Variants in KCNV2 observed in about 807,000 individuals in gnomAD.
The protein encoded by KCNV2 is potassium voltage-gated channel modifier subfamily V member 2.
Under a neutral mutation model 37.0 loss-of-function variants are expected in KCNV2, and 65 were observed. That is an observed-to-expected ratio of 1.76 (90% confidence interval 1.44 to 2.16). The LOEUF (loss-of-function observed/expected upper bound fraction) is 2.16, where lower values mean the gene tolerates loss of function less well. KCNV2 is among the 30% of genes most tolerant of loss of function. The pLI is 0.00. For missense variants in KCNV2, 1,232 were observed against 766.7 expected (o/e 1.61, Z -7.17); for synonymous variants, 518 against 328.6 (o/e 1.58, Z -6.23).
chr9:2,721,593 C>T (rs371712647), intron 1 of KCNV2, among the ~76,000 whole-genome samples: 125 of 152,290 alleles, frequency 8.2e-4, no homozygotes, highest in African/African-American at 2.9e-3. Flanking sequence ...ATTCATTGAA[C>T]AGTAAGTTTT....
At chr9:2,724,523 G>C (rs546414984) in intron 1 of KCNV2, among the ~76,000 whole-genome samples, 1 of 152,212 alleles carries the variant, frequency 6.6e-6, no homozygotes, top group Admixed American at 6.5e-5. Flanking sequence ...TAATTGCAGG[G>C]AGTAGCTATT....
intron 1 of KCNV2, among the ~76,000 whole-genome samples, 194 bp downstream of exon 1, chr9:2,719,289 G>T (rs961516178): frequency 6.6e-6 from 1 of 152,152 alleles, no homozygotes; most frequent in African/African-American, 2.4e-5. Flanking sequence ...AGATCAGTAA[G>T]TAAGTGAATT....
In KCNV2 at chr9:2,717,754, T is replaced by C. The variant is rs377071035; in HGVS notation, c.15T>C (p.Ser5=). Residue 5 remains serine, a synonymous_variant, in exon 1 of 2, where the codon AGT becomes AGC. Coordinates refer to ENST00000382082, the MANE Select transcript of KCNV2 (RefSeq NM_133497.4). MLKQ[S]ERRRSWSYRP... ...TTTCCGCAGCCATGCTCAAACAGAG[T>C]GAGAGGAGACGGTCCTGGAGCTACA... The C allele has an allele frequency of 4.3e-5, 69 of 1,612,780 alleles. 1 individual carries two copies. Among genetic ancestry groups the C allele is most frequent in the Non-Finnish European group, 5.6e-5 (66 of 1,179,706 alleles).
chr9:2,726,504 T>C (rs1819970087), intron 1 of KCNV2, among the ~76,000 whole-genome samples: 1 of 152,120 alleles, frequency 6.6e-6, no homozygotes, highest in Admixed American at 6.5e-5. Flanking sequence ...AAAAAAGAAG[T>C]TTGGCTTAAG....
intron 1 of KCNV2, among the ~76,000 whole-genome samples, chr9:2,725,758 A>G (rs997598064): frequency 1.3e-5 from 2 of 152,230 alleles, no homozygotes; most frequent in Non-Finnish European, 2.9e-5. Context: ...TCCTGAATGC[A>G]TGGACTACTG....
Position 2,717,610 on chromosome 9 carries a change from C to G in KCNV2, c.-130C>G, listed in dbSNP as rs1250170328. On this transcript the variant is annotated 5_prime_UTR_variant, in exon 1 of 2. Transcript: ENST00000382082. ...CCGGTGGCAATGTCTGAGCCCCTAG[C>G]TGTGCTGGTCCGGGCTGGCCTCTCT... The G allele has an allele frequency of 1.7e-6, 2 of 1,183,190 alleles. No homozygotes were observed. Among genetic ancestry groups the G allele is most frequent in the East Asian group, 4.9e-5 (2 of 40,822 alleles). 73.3% of individuals were successfully genotyped at this position (1,183,190 alleles called of 1,614,324 possible). A position where few individuals can be genotyped will look rare whatever the true frequency, so the allele number is the denominator to read the frequency against.
chr9:2,723,551 A>AAATC (rs1819916992), intron 1 of KCNV2, among the ~76,000 whole-genome samples: 1 of 151,516 alleles, frequency 6.6e-6, no homozygotes, highest in Non-Finnish European at 1.5e-5. Context: ...TGTCAAATGG[A>AAATC]GGTTATTTGT....
chr9:2,727,707 G>C (rs1819991339), intron 1 of KCNV2, among the ~76,000 whole-genome samples: 1 of 152,108 alleles, frequency 6.6e-6, no homozygotes, highest in Admixed American at 6.6e-5. Context: ...CCCTGGGATT[G>C]CATACATGAT....
rs763257710 is a variant in KCNV2, at chr9:2,729,736, AG to A, written c.*11del. 7.4e-6 allele frequency: 12 copies of A among 1,613,744 alleles called. No homozygotes were observed. The East Asian group carries it at 2.7e-4, about 36-fold the overall frequency. ...CAAGACAAGAGAATTAGTATTTTAT[AG>A]GACATGTGGCTGGTAGATTCCATGA... is the stretch of plus-strand genomic sequence containing the variant. On this transcript the variant is annotated 3_prime_UTR_variant, in exon 2 of 2. Coordinates refer to ENST00000382082, the MANE Select transcript of KCNV2 (RefSeq NM_133497.4).
At chr9:2,720,991 ATC>A (rs952628175) in intron 1 of KCNV2, among the ~76,000 whole-genome samples, 2 of 152,194 alleles carry the variant, frequency 1.3e-5, no homozygotes, top group African/African-American at 4.8e-5. Context: ...CTTTCAAATT[ATC>A]TCTTTTTATG....
At chr9:2,719,590 C>A (rs1250393929) in intron 1 of KCNV2, among the ~76,000 whole-genome samples, 1 of 152,156 alleles carries the variant, frequency 6.6e-6, no homozygotes, top group East Asian at 1.9e-4. Flanking sequence ...AATCCCACCA[C>A]CTCTGGTTCC....
At position 2,718,036 on chromosome 9, in the gene KCNV2, G is replaced by C. The variant is rs747867456; in HGVS notation, c.297G>C (p.Leu99=). The C allele has an allele frequency of 2.5e-6, 4 of 1,611,348 alleles. No homozygotes were observed. In the African/African-American group the frequency reaches 5.3e-5, roughly 22 times the overall value. The part of the protein sequence containing the change: ...PSDPPALLST[L]NVNVGGHSYQ... ...ACCCTCCGGCCCTGCTGTCCACGCTGAATGTGAACGTGGGTGGCCACAGCT... is the reference window on the plus strand; with the variant it reads ...ACCCTCCGGCCCTGCTGTCCACGCTCAATGTGAACGTGGGTGGCCACAGCT... Residue 99 remains leucine, a synonymous_variant, in exon 1 of 2, where the codon CTG becomes CTC. Coordinates refer to ENST00000382082, the MANE Select transcript of KCNV2 (RefSeq NM_133497.4).
chr9:2,718,183 A>G lies in KCNV2; in HGVS notation c.444A>G (p.Glu148=), dbSNP rs1181179437. ...ACGACTACGAGGAGCAGACAGACGA[A>G]TACTTCTTCGACCGCGACCCGGCCG... The part of the protein sequence containing the change: ...LCDDYEEQTD[E]YFFDRDPAVF... Residue 148 remains glutamate, a synonymous_variant, in exon 1 of 2, where the codon GAA becomes GAG. Transcript: ENST00000382082. The G allele has an allele frequency of 1.2e-6, 2 of 1,613,360 alleles. No homozygotes were observed. Among genetic ancestry groups the G allele is most frequent in the Non-Finnish European group, 8.5e-7 (1 of 1,179,808 alleles).
At chr9:2,721,661 A>G (rs1016302193) in intron 1 of KCNV2, among the ~76,000 whole-genome samples, 12 of 152,162 alleles carry the variant, frequency 7.9e-5, no homozygotes, top group Non-Finnish European at 1.8e-4. Flanking sequence ...GGGTAGGAGA[A>G]GAAAAAACAA....
At chr9:2,720,048 A>G (rs747879596) in intron 1 of KCNV2, among the ~76,000 whole-genome samples, 5 of 152,258 alleles carry the variant, frequency 3.3e-5, no homozygotes, top group South Asian at 2.1e-4. Context: ...AATTGAATGT[A>G]TGGTTTCCTT....
At position 2,718,277 on chromosome 9, in the gene KCNV2, C is replaced by T. The variant is rs751709716; in HGVS notation, c.538C>T (p.Arg180Cys). The T allele has an allele frequency of 1.2e-5, 20 of 1,611,824 alleles. No homozygotes were observed. Among genetic ancestry groups the T allele is most frequent in the Non-Finnish European group, 1.4e-5 (17 of 1,179,844 alleles). Reference protein sequence around the residue: ...LLVLDGLCPRRFLEELGYWGV... With the variant: ...LLVLDGLCPRCFLEELGYWGV... ...GGTGCTCGACGGGCTGTGTCCGCGC[C>T]GCTTCCTGGAGGAGCTGGGCTACTG... Residue 180 changes from arginine to cysteine, a missense_variant, in exon 1 of 2, where the codon CGC (arginine) becomes TGC (cysteine). Transcript: ENST00000382082.
chr9:2,726,442 C>A (rs1313221235), intron 1 of KCNV2, among the ~76,000 whole-genome samples: 1 of 152,032 alleles, frequency 6.6e-6, no homozygotes, highest in Non-Finnish European at 1.5e-5. Flanking sequence ...ATTTATTCTT[C>A]TTTAAGCCAA....
chr9:2,719,067 C>G lies in KCNV2; in HGVS notation c.1328C>G (p.Thr443Ser). 6.2e-7 allele frequency: 1 copy of G among 1,611,926 alleles called. No individual in the cohort carries two copies. Among genetic ancestry groups the G allele is most frequent in the Middle Eastern group, 1.7e-4 (1 of 6,058 alleles). The change falls in exon 1 of 2, where the codon ACC (threonine) becomes AGC (serine). Residue 443 changes from threonine to serine, a missense_variant. By Grantham distance (58) the Thr-to-Ser change is moderately conservative. Transcript: ENST00000382082. Reference protein sequence around the residue: ...EHDVPSTNFTTIPHSWWWAAV... With the variant: ...EHDVPSTNFTSIPHSWWWAAV... ...GATGTGCCCAGCACCAACTTCACTACCATCCCCCACTCCTGGTGGTGGGCC... is the reference window on the plus strand; with the variant it reads ...GATGTGCCCAGCACCAACTTCACTAGCATCCCCCACTCCTGGTGGTGGGCC...
At chr9:2,726,088 A>C (rs113731089) in intron 1 of KCNV2, among the ~76,000 whole-genome samples, 2 of 152,180 alleles carry the variant, frequency 1.3e-5, no homozygotes, top group Admixed American at 1.3e-4. Flanking sequence ...TCCAAACCCA[A>C]CTCCTGCTAA....
Sources: gnomAD v4.1 joint callset for allele counts (sites outside exome capture counted in the v4.1 genomes callset) on GRCh38, gnomAD v4.1.1 for gene constraint, MANE v1.5 for transcripts, NCBI Gene and HGNC (gene_info 2026-07-23, HGNC 2026-07-21) for gene names.